The following ITSN2 variants were observed in gnomAD, a reference collection of about 807,000 sequenced individuals.
The protein encoded by ITSN2 is intersectin-2.
A neutral mutation model predicts 243.7 loss-of-function variants in ITSN2; 156 were observed. The observed-to-expected ratio is 0.64, with a 90% confidence interval of 0.56 to 0.73. The LOEUF (loss-of-function observed/expected upper bound fraction) is 0.73. Ranked by LOEUF, ITSN2 falls within the 30% of genes least tolerant of loss-of-function variation. The probability of loss-of-function intolerance (pLI) is 0.00; values close to 1 mark genes in which losing one functional copy is unlikely to be tolerated. For missense variants in ITSN2, 1,801 were observed against 1,996.1 expected (o/e 0.90, Z 1.86); for synonymous variants, 703 against 699.9 (o/e 1.00, Z -0.07).
intron 4 of ITSN2, among the ~76,000 whole-genome samples, chr2:24,313,082 C>CTTT (rs11442221): frequency 1.8e-4 from 24 of 133,998 alleles, no homozygotes; most frequent in African/African-American, 4.9e-4. Context: ...GAAGAAATAC[C>CTTT]TTTTTTTTTT....
chr2:24,330,543 A>G, intron 1 of ITSN2: 4 of 774,594 alleles, frequency 5.2e-6, no homozygotes, highest in Non-Finnish European at 9.2e-6. Context: ...CCCTGCAAAG[A>G]AGGGAGAGAA....
At chr2:24,340,973 A>G (rs554395961) in intron 1 of ITSN2, among the ~76,000 whole-genome samples, 1 of 152,298 alleles carries the variant, frequency 6.6e-6, no homozygotes, top group South Asian at 2.1e-4. Context: ...CAAACACACC[A>G]ATTATGAAGT....
At chr2:24,251,886 T>C (rs980326286) in intron 25 of ITSN2, among the ~76,000 whole-genome samples, 3 of 152,140 alleles carry the variant, frequency 2.0e-5, no homozygotes, top group African/African-American at 4.8e-5. Context: ...TTTTTAAGAC[T>C]GTAAAGTTCC....
intron 2 of ITSN2, among the ~76,000 whole-genome samples, chr2:24,327,659 T>C (rs1242627742): frequency 6.6e-6 from 1 of 152,206 alleles, no homozygotes; most frequent in Non-Finnish European, 1.5e-5. Context: ...CATAATCTTA[T>C]CTAAAGGGAA....
intron 5 of ITSN2, among the ~76,000 whole-genome samples, chr2:24,311,880 T>C (rs113869310): frequency 6.6e-6 from 1 of 152,070 alleles, no homozygotes; most frequent in Non-Finnish European, 1.5e-5. Context: ...CACATATATA[T>C]AGAGAGAGAG....
At chr2:24,246,944 T>C (rs1476370662) in intron 27 of ITSN2, 51 bp from the exon 28 acceptor site, 2 of 1,187,194 alleles carry the variant, frequency 1.7e-6, no homozygotes, top group East Asian at 2.3e-5. Context: ...TTAAAAACAA[T>C]CATTGAGACA....
chr2:24,327,923 T>C lies in ITSN2; in HGVS notation c.31+129A>G, dbSNP rs147175544. On this transcript the variant is annotated intron_variant, in intron 2 of 39. Coordinates refer to ENST00000355123, the MANE Select transcript of ITSN2 (RefSeq NM_006277.3). ...AAGACATATGCAGTGTTCCAAAATATTTTCCAAGAATACTTCAAGTTTTGT... is the reference window on the plus strand; with the variant it reads ...AAGACATATGCAGTGTTCCAAAATACTTTCCAAGAATACTTCAAGTTTTGT... 1.5e-4 allele frequency: 111 copies of C among 764,136 alleles called. 1 individual carries two copies. The highest frequency in any genetic ancestry group is 2.1e-4 in the Non-Finnish European group (97 of 470,458). The allele number at this position is 764,136 out of a possible 1,614,324, so 47.3% of individuals were successfully genotyped here.
At chr2:24,221,764 A>G (rs1025744463) in intron 29 of ITSN2, among the ~76,000 whole-genome samples, 19 of 152,232 alleles carry the variant, frequency 1.2e-4, no homozygotes, top group African/African-American at 4.6e-4. Flanking sequence ...ATGACAGGAA[A>G]GTCACAAGCA....
chr2:24,227,638 A>G (rs1040923159), intron 29 of ITSN2, among the ~76,000 whole-genome samples: 3 of 152,188 alleles, frequency 2.0e-5, no homozygotes. Context: ...CAGAGATGGA[A>G]GGCTGGGCAT....
intron 29 of ITSN2, among the ~76,000 whole-genome samples, chr2:24,243,787 T>A (rs1673015524): frequency 6.6e-6 from 1 of 152,166 alleles, no homozygotes; most frequent in African/African-American, 2.4e-5. Context: ...GCATTACAAT[T>A]GGTTGTCTTC....
At chr2:24,310,727 G>A in intron 5 of ITSN2, 35 bp from the exon 6 acceptor site, 4 of 1,570,740 alleles carry the variant, frequency 2.5e-6, no homozygotes, top group Non-Finnish European at 3.5e-6. Context: ...TCCAGTGCTA[G>A]AAAATCAATT....
At chr2:24,254,301 G>A in intron 24 of ITSN2, 66 bp downstream of exon 24, 2 of 1,015,056 alleles carry the variant, frequency 2.0e-6, no homozygotes, top group South Asian at 2.5e-5. Flanking sequence ...GCAACTATGT[G>A]AAGTCAGGTA....
At chr2:24,235,344 A>C (rs1672040836) in intron 29 of ITSN2, among the ~76,000 whole-genome samples, 1 of 152,200 alleles carries the variant, frequency 6.6e-6, no homozygotes, top group African/African-American at 2.4e-5. Context: ...GGAGAGCTGA[A>C]CAGGTAGAGC....
At chr2:24,294,287 G>A (rs527940950) in intron 14 of ITSN2, among the ~76,000 whole-genome samples, 6 of 152,282 alleles carry the variant, frequency 3.9e-5, no homozygotes, top group East Asian at 1.9e-4. Flanking sequence ...TTAGCCAGGC[G>A]TGGTGGTGGG....
At chr2:24,352,228 G>T (rs763822068) in intron 1 of ITSN2, among the ~76,000 whole-genome samples, 16 of 152,152 alleles carry the variant, frequency 1.1e-4, no homozygotes, top group Non-Finnish European at 2.1e-4. Flanking sequence ...TAAATGCCAG[G>T]TTATTTTAAG....
In ITSN2 at chr2:24,299,914, G is replaced by C. The variant is rs772332880; in HGVS notation, c.1339C>G (p.Arg447Gly). Residue 447 changes from arginine (R) to glycine (G), a missense_variant, in exon 12 of 40, where the codon CGA becomes GGA. Physicochemically the swap from Arg to Gly is moderately radical, Grantham distance 125 (BLOSUM62 -2). Coordinates refer to ENST00000355123, the MANE Select transcript of ITSN2 (RefSeq NM_006277.3). ...EEERRKDIER[R>G]EAAKQELERQ... ...GTAAAAAACTTAAAAATAACCTCTCGTCTTTCTATGTCTTTTCTCCTTTCT... is the reference window on the plus strand; with the variant it reads ...GTAAAAAACTTAAAAATAACCTCTCCTCTTTCTATGTCTTTTCTCCTTTCT... 2.5e-6 allele frequency: 4 copies of C among 1,594,034 alleles called. No homozygotes were observed. In the East Asian group the frequency reaches 8.9e-5, roughly 36 times the overall value.
At chr2:24,337,315 A>AATATATATATATATAAATATATATAT (rs70944741) in intron 1 of ITSN2, among the ~76,000 whole-genome samples, 1 of 32,020 alleles carries the variant, frequency 3.1e-5, no homozygotes, top group Non-Finnish European at 5.7e-5. Flanking sequence ...GTATACACAA[A>AATATATATATATATAAATATATATAT]ATATATATAT....
chr2:24,292,658 C>T (rs976105621), intron 15 of ITSN2, among the ~76,000 whole-genome samples: 3 of 152,240 alleles, frequency 2.0e-5, no homozygotes, highest in Non-Finnish European at 4.4e-5. Flanking sequence ...GAATGTACAG[C>T]CTAGGCTCCT....
At chr2:24,255,264 G>A (rs770027493) in intron 23 of ITSN2, among the ~76,000 whole-genome samples, 12 of 152,176 alleles carry the variant, frequency 7.9e-5, no homozygotes, top group Non-Finnish European at 1.5e-4. Flanking sequence ...TGTCTATAAA[G>A]GGCCTAGCAC....
Sources: allele counts gnomAD v4.1 joint callset (sites outside exome capture counted in the v4.1 genomes callset), GRCh38; gene constraint gnomAD v4.1.1; transcripts MANE v1.5; gene names NCBI Gene and HGNC (gene_info 2026-07-23, HGNC 2026-07-21).